Variants in PNPLA5 observed in about 807,000 individuals in gnomAD.
PNPLA5 encodes patatin-like phospholipase domain-containing protein 5.
In PNPLA5, 44 loss-of-function variants were observed where a neutral mutation model predicts 49.1. The ratio of observed to expected loss-of-function variants is 0.90; its 90% confidence interval spans 0.70 to 1.15. The LOEUF is 1.15. Ranked by LOEUF, PNPLA5 falls within the 50% of genes most tolerant of loss-of-function variation. The pLI, the probability that PNPLA5 is intolerant of heterozygous loss-of-function variation, is 0.00. For missense variants in PNPLA5, 603 were observed against 564.0 expected (o/e 1.07, Z -0.70); for synonymous variants, 243 against 244.4 (o/e 0.99, Z 0.06).
intron 6 of PNPLA5, among the ~76,000 whole-genome samples, chr22:43,885,174 G>T (rs1054321923): frequency 2.6e-5 from 4 of 152,206 alleles, no homozygotes; most frequent in Non-Finnish European, 5.9e-5. Context: ...GCTCTCTGGT[G>T]CCCCCGTGTG....
intron 6 of PNPLA5, 22 bp from the exon 7 acceptor site, chr22:43,884,367 GGCCCTGCCCACCTGAA>G: frequency 6.5e-7 from 1 of 1,528,300 alleles, no homozygotes; most frequent in South Asian, 1.3e-5. Context: ...GCCCTGGCAT[GGCCCTGCCCACCTGAA>G]GTCTGTGGGC....
At chr22:43,890,478 C>A (rs1387981147) in intron 2 of PNPLA5, among the ~76,000 whole-genome samples, 1 of 152,242 alleles carries the variant, frequency 6.6e-6, no homozygotes, top group Non-Finnish European at 1.5e-5. Context: ...TGCGCGTACA[C>A]ACTATTGGCA....
intron 6 of PNPLA5, among the ~76,000 whole-genome samples, chr22:43,885,336 C>T (rs892943323): frequency 3.3e-5 from 5 of 152,014 alleles, no homozygotes; most frequent in African/African-American, 1.2e-4. Flanking sequence ...TCTCCCTGAT[C>T]TGGCCTCGAC....
In PNPLA5 at chr22:43,880,162, G is replaced by A; in HGVS notation, c.*633C>T. 1 of 363,498 alleles carries A rather than the reference G, an allele frequency of 2.8e-6. No homozygotes were observed. Among genetic ancestry groups the A allele is most frequent in the Non-Finnish European group, 4.9e-6 (1 of 204,114 alleles). The allele number at this position is 363,498 out of a possible 1,614,324, so 22.5% of individuals were successfully genotyped here. A position where few individuals can be genotyped will look rare whatever the true frequency, so the allele number is the denominator to read the frequency against. On this transcript the variant is annotated 3_prime_UTR_variant, in exon 9 of 9. Coordinates refer to ENST00000216177, the MANE Select transcript of PNPLA5 (RefSeq NM_138814.4). Reference sequence around the variant, plus strand: ...ACAAACCTTCTGCAGGAATGAGGCTGTGGGGATAGCAGGGGCCACTGGGCC... The same window carrying A: ...ACAAACCTTCTGCAGGAATGAGGCTATGGGGATAGCAGGGGCCACTGGGCC...
rs112168208 is a variant in PNPLA5 at position 43,881,648 on chromosome 22, G to A, written c.1109C>T (p.Pro370Leu). The A allele has an allele frequency of 2.0e-5, 33 of 1,613,718 alleles. No individual in the cohort carries two copies. Among genetic ancestry groups the A allele is most frequent in the East Asian group, 2.0e-4 (9 of 44,856 alleles). Residue 370 changes from proline to leucine, a missense_variant, in exon 8 of 9, where the codon CCG becomes CTG. Physicochemically the swap from Pro to Leu is moderately conservative, Grantham distance 98. Coordinates refer to ENST00000216177, the MANE Select transcript of PNPLA5 (RefSeq NM_138814.4). ...GCCCTGCATCCACCACAAGTCCGCC[G>A]GCACATCGGGCAGCCACACCACCAA... ...RRLVVWLPDV[P>L]ADLWWMQGLL...
At chr22:43,883,999 C>T (rs1429315849) in intron 7 of PNPLA5, among the ~76,000 whole-genome samples, 2 of 152,062 alleles carry the variant, frequency 1.3e-5, no homozygotes, top group African/African-American at 4.8e-5. Flanking sequence ...TCCAATCCTA[C>T]CCACCATGCC....
chr22:43,881,065 GGCCACTCCCCAGAGAACT>G, intron 8 of PNPLA5, 180 bp from the exon 9 acceptor site: 1 of 887,594 alleles, frequency 1.1e-6, no homozygotes, highest in Non-Finnish European at 1.4e-6. Flanking sequence ...GTCCTGGGAT[GGCCACTCCCCAGAGAACT>G]GCACTGATGT....
chr22:43,886,186 T>C, intron 6 of PNPLA5, 117 bp downstream of exon 6: 1 of 1,150,810 alleles, frequency 8.7e-7, no homozygotes, highest in Admixed American at 2.8e-5. Context: ...TAGTAGGTGC[T>C]CAGTAAATGA....
At chr22:43,887,402 G>A (rs568782841) in intron 5 of PNPLA5, among the ~76,000 whole-genome samples, 189 bp downstream of exon 5, 113 of 152,282 alleles carry the variant, frequency 7.4e-4, no homozygotes, top group African/African-American at 2.7e-3. Context: ...GCTGCGGGCT[G>A]CTCAACAGTG....
Position 43,885,183 on chromosome 22 carries a change from T to G in PNPLA5, c.950-838A>C, listed in dbSNP as rs537421160. On this transcript the variant is annotated intron_variant, in intron 6 of 8. Transcript: ENST00000216177. ...GAGGCAGCTCTCTGGTGCCCCCGTG[T>G]GGCTACAGGTACACTGCCGGGTTCC... is the stretch of plus-strand genomic sequence containing the variant. 2.5e-3 allele frequency among the ~76,000 whole-genome samples: 388 copies of G among 152,354 alleles called. 2 individuals are homozygous for G. The highest frequency in any genetic ancestry group is 3.9e-3 in the Non-Finnish European group (262 of 68,032).
intron 2 of PNPLA5, 78 bp downstream of exon 2, chr22:43,890,984 G>A: frequency 2.0e-6 from 3 of 1,524,644 alleles, no homozygotes; most frequent in South Asian, 1.2e-5. Context: ...AACGTCTGAC[G>A]GGGAAGTACC....
rs191982315 is a variant in PNPLA5, at chr22:43,890,472, C to T, written c.426+590G>A. ...CTGTGTGCCTGCACTTGAGCGTGCGCGTACACACTATTGGCAAATAATAGT... is the reference window on the plus strand; with the variant it reads ...CTGTGTGCCTGCACTTGAGCGTGCGTGTACACACTATTGGCAAATAATAGT... On this transcript the variant is annotated intron_variant, in intron 2 of 8. Coordinates refer to ENST00000216177, the MANE Select transcript of PNPLA5 (RefSeq NM_138814.4). Among the ~76,000 whole-genome samples, 251 of 152,314 alleles carry T rather than the reference C, an allele frequency of 1.6e-3. 1 individual carries two copies. The highest frequency in any genetic ancestry group is 5.0e-3 in the African/African-American group (207 of 41,568).
rs868261324 is a variant in PNPLA5 at position 43,888,296 on chromosome 22, G to A, written c.703-645C>T. Among the ~76,000 whole-genome samples, 53 of 151,878 alleles carry A rather than the reference G, an allele frequency of 3.5e-4. 1 individual carries two copies. Among genetic ancestry groups the A allele is most frequent in the African/African-American group, 1.2e-3 (51 of 41,368 alleles). The stretch of plus-strand genomic sequence containing the variant: ...GAGTAAATGAACATGACTTTGTCTC[G>A]TGACTTAGAAAGCACTACACAAACC... On this transcript the variant is annotated intron_variant, in intron 4 of 8. Transcript: ENST00000216177.
At chr22:43,881,124 G>C (rs886859892) in intron 8 of PNPLA5, among the ~76,000 whole-genome samples, 3 of 152,196 alleles carry the variant, frequency 2.0e-5, no homozygotes, top group Admixed American at 2.0e-4. Flanking sequence ...TCGAGTGGGT[G>C]GGGGAGGGCC....
chr22:43,891,758 G>A lies in PNPLA5; in HGVS notation c.123C>T (p.Gly41=). 2.6e-6 allele frequency: 4 copies of A among 1,538,316 alleles called. No individual in the cohort carries two copies. The highest frequency in any genetic ancestry group is 3.5e-6 in the Non-Finnish European group (4 of 1,143,126). The part of the protein sequence containing the change: ...LRQRAPRLLQ[G]ARRIYGSSSG... ...ACGAGGAACCGTAGATGCGGCGGGC[G>A]CCCTGGAGGAGGCGCGGGGCTCGCT... Residue 41 remains glycine, a synonymous_variant, in exon 1 of 9, where the codon GGC becomes GGT. Coordinates refer to ENST00000216177, the MANE Select transcript of PNPLA5 (RefSeq NM_138814.4).
At chr22:43,884,147 T>C in intron 7 of PNPLA5, 66 bp downstream of exon 7, 2 of 857,674 alleles carry the variant, frequency 2.3e-6, no homozygotes, top group Non-Finnish European at 3.1e-6. Context: ...CAGCCGCCCC[T>C]CCTGCCATGG....
chr22:43,891,950 G>A lies in PNPLA5; in HGVS notation c.-70C>T. On this transcript the variant is annotated 5_prime_UTR_variant, in exon 1 of 9. Transcript: ENST00000216177. ...CCGTGACCCGGGATAGGGCCGGGAT[G>A]CAGCCTTGGACGGGGCTGGGCCCAA... 1 of 1,430,310 alleles carries A rather than the reference G, an allele frequency of 7.0e-7. No homozygotes were observed. 88.6% of individuals were successfully genotyped at this position (1,430,310 alleles called of 1,614,324 possible). A position where few individuals can be genotyped will look rare whatever the true frequency, so the allele number is the denominator to read the frequency against.
chr22:43,884,285 G>C lies in PNPLA5; in HGVS notation c.1010C>G (p.Pro337Arg), dbSNP rs779382195. Reference sequence around the variant, plus strand: ...CAGCAGGTACGTCAGCACCTGTCCAGGCCCCGAGTGCCAGAAGCGGGCCCA... The same window carrying C: ...CAGCAGGTACGTCAGCACCTGTCCACGCCCCGAGTGCCAGAAGCGGGCCCA... Reference protein sequence around the residue: ...SRWARFWHSGPGQVLTYLLLP... With the variant: ...SRWARFWHSGRGQVLTYLLLP... Residue 337 changes from proline (P) to arginine (R), a missense_variant, in exon 7 of 9, where the codon CCT (proline) becomes CGT (arginine). Transcript: ENST00000216177. 6.2e-7 allele frequency: 1 copy of C among 1,601,546 alleles called. No homozygotes were observed. The highest frequency in any genetic ancestry group is 1.1e-5 in the South Asian group (1 of 89,636).
At chr22:43,890,193 A>G (rs902496432) in intron 2 of PNPLA5, among the ~76,000 whole-genome samples, 9 of 152,302 alleles carry the variant, frequency 5.9e-5, no homozygotes, top group Non-Finnish European at 1.0e-4. Context: ...GGCACATAGT[A>G]GGTGCTCAGT....
Sources: gnomAD v4.1 joint callset for allele counts (sites outside exome capture counted in the v4.1 genomes callset) on GRCh38, gnomAD v4.1.1 for gene constraint, MANE v1.5 for transcripts, NCBI Gene and HGNC (gene_info 2026-07-23, HGNC 2026-07-21) for gene names.